Variants in POFUT3 observed in about 807,000 individuals in gnomAD.
POFUT3 encodes protein O-fucosyltransferase 3.
the POFUT3 span, among the ~76,000 whole-genome samples, chr8:33,456,383 A>C: frequency 1.2e-4 from 18 of 151,924 alleles, no homozygotes; most frequent in Non-Finnish European, 2.9e-5. Context: ...TTTGAGACAG[A>C]GTCTCTCTCT....
the POFUT3 span, among the ~76,000 whole-genome samples, chr8:33,421,766 C>G: frequency 6.6e-6 from 1 of 152,122 alleles, no homozygotes; most frequent in African/African-American, 2.4e-5. Context: ...TTCTTTTAAG[C>G]ATGAAATGCC....
At chr8:33,340,660 G>A in the POFUT3 span, among the ~76,000 whole-genome samples, 1 of 151,946 alleles carries the variant, frequency 6.6e-6, no homozygotes, top group Non-Finnish European at 1.5e-5. Flanking sequence ...AGATAAAGTA[G>A]ACTTCAGAGC....
At chr8:33,414,964 GAAA>G in the POFUT3 span, among the ~76,000 whole-genome samples, 2 of 96,850 alleles carry the variant, frequency 2.1e-5, no homozygotes, top group Non-Finnish European at 2.2e-5. Flanking sequence ...GAACCATAAA[GAAA>G]AAAAAAAAAA....
the POFUT3 span, among the ~76,000 whole-genome samples, chr8:33,337,113 C>G: frequency 3.3e-5 from 5 of 152,198 alleles, no homozygotes; most frequent in Non-Finnish European, 7.3e-5. Context: ...GATGAAGCCT[C>G]TGCCTTTGGT....
At chr8:33,361,398 A>G in the POFUT3 span, 1 of 152,248 alleles carries the variant, frequency 6.6e-6, no homozygotes, top group African/African-American at 2.4e-5. Flanking sequence ...TACTTTTAAC[A>G]CATCTCATTA....
the POFUT3 span, among the ~76,000 whole-genome samples, chr8:33,319,397 A>G: frequency 3.6e-5 from 2 of 55,712 alleles, no homozygotes; most frequent in African/African-American, 8.7e-5. Flanking sequence ...ATATTTTTAT[A>G]TATAGTATAT....
At chr8:33,315,574 A>G in the POFUT3 span, among the ~76,000 whole-genome samples, 1 of 152,122 alleles carries the variant, frequency 6.6e-6, no homozygotes, top group African/African-American at 2.4e-5. Flanking sequence ...CCTTGTCTTC[A>G]GGAGACATGG....
chr8:33,318,771 A>G, the POFUT3 span, among the ~76,000 whole-genome samples: 272 of 45,976 alleles, frequency 5.9e-3, 9 homozygotes, highest in East Asian at 0.018. Context: ...TTGTATATAT[A>G]TTTTATATAT....
the POFUT3 span, among the ~76,000 whole-genome samples, chr8:33,393,359 G>A: frequency 4.6e-5 from 7 of 152,142 alleles, no homozygotes; most frequent in Non-Finnish European, 8.8e-5. Context: ...AAACGTATTC[G>A]TTCCTTTAAA....
At chr8:33,396,288 A>G in the POFUT3 span, among the ~76,000 whole-genome samples, 1 of 152,054 alleles carries the variant, frequency 6.6e-6, no homozygotes, top group Admixed American at 6.6e-5. Context: ...CTCTTTCTGT[A>G]TTTTGCTCCA....
At chr8:33,391,338 A>G in the POFUT3 span, among the ~76,000 whole-genome samples, 17 of 152,370 alleles carry the variant, frequency 1.1e-4, no homozygotes, top group South Asian at 3.3e-3. Context: ...TTTTGATAGC[A>G]GGCTTTTATT....
At chr8:33,419,690 A>C in the POFUT3 span, among the ~76,000 whole-genome samples, 1 of 152,240 alleles carries the variant, frequency 6.6e-6, no homozygotes, top group Non-Finnish European at 1.5e-5. Context: ...AATGGGTACA[A>C]ATATTATGTA....
the POFUT3 span, among the ~76,000 whole-genome samples, chr8:33,467,300 A>C: frequency 7.7e-5 from 11 of 143,174 alleles, no homozygotes; most frequent in East Asian, 2.2e-3. Flanking sequence ...AAAAAAGACT[A>C]GTGATTAATC....
the POFUT3 span, chr8:33,394,199 A>G: frequency 4.5e-6 from 1 of 222,062 alleles, no homozygotes; most frequent in South Asian, 5.7e-5. Flanking sequence ...AAATATAAAT[A>G]AAATAAAATA....
At chr8:33,352,814 T>G in the POFUT3 span, among the ~76,000 whole-genome samples, 1 of 152,230 alleles carries the variant, frequency 6.6e-6, no homozygotes, top group Non-Finnish European at 1.5e-5. Flanking sequence ...AGAGATACTG[T>G]CATTCACCCA....
At chr8:33,349,638 A>C in the POFUT3 span, among the ~76,000 whole-genome samples, 1 of 152,202 alleles carries the variant, frequency 6.6e-6, no homozygotes, top group African/African-American at 2.4e-5. Flanking sequence ...GCTGAGTAGT[A>C]GTCCATGGTG....
the POFUT3 span, among the ~76,000 whole-genome samples, chr8:33,339,571 A>G: frequency 6.6e-6 from 1 of 152,232 alleles, no homozygotes; most frequent in African/African-American, 2.4e-5. Flanking sequence ...AAACCTGTAG[A>G]TTCAAGATGA....
chr8:33,446,302 C>T, the POFUT3 span, among the ~76,000 whole-genome samples: 1 of 151,998 alleles, frequency 6.6e-6, no homozygotes, highest in Admixed American at 6.5e-5. Context: ...ACTCAAAATA[C>T]AAAAATTAGC....
chr8:33,355,225 A>G, the POFUT3 span, among the ~76,000 whole-genome samples: 2 of 152,200 alleles, frequency 1.3e-5, no homozygotes, highest in Admixed American at 1.3e-4. Context: ...TCCAATATCA[A>G]TATTATATCT....
Sources: allele counts gnomAD v4.1 joint callset (sites outside exome capture counted in the v4.1 genomes callset), GRCh38; gene constraint gnomAD v4.1.1; transcripts MANE v1.5; gene names NCBI Gene and HGNC (gene_info 2026-07-23, HGNC 2026-07-21).